TDP1: variants seen among roughly 807,000 people sequenced by gnomAD.
The protein encoded by TDP1 is tyr-DNA phosphodiesterase 1.
Under a neutral mutation model 81.5 loss-of-function variants are expected in TDP1, and 64 were observed. That is an observed-to-expected ratio of 0.79 (90% CI 0.64 to 0.97). TDP1 has a LOEUF of 0.97. TDP1 is among the 50% of genes least tolerant of loss of function. TDP1 has a pLI of 0.00. For missense variants in TDP1, 723 were observed against 743.8 expected (o/e 0.97, Z 0.33); for synonymous variants, 256 against 264.3 (o/e 0.97, Z 0.30).
At chr14:89,973,030 T>A (rs1893844199) in intron 6 of TDP1, among the ~76,000 whole-genome samples, 1 of 152,074 alleles carries the variant, frequency 6.6e-6, no homozygotes, top group African/African-American at 2.4e-5. Flanking sequence ...TGTATTTTTT[T>A]AAGATTAATA....
intron 12 of TDP1, among the ~76,000 whole-genome samples, chr14:89,990,819 G>A (rs1490582680): frequency 6.6e-6 from 1 of 152,026 alleles, no homozygotes; most frequent in Non-Finnish European, 1.5e-5. Flanking sequence ...ATCTCTTTGG[G>A]TGTAGATCAG....
intron 16 of TDP1, among the ~76,000 whole-genome samples, chr14:90,036,463 T>A (rs1446146005): frequency 2.0e-5 from 3 of 152,164 alleles, no homozygotes; most frequent in Admixed American, 2.0e-4. Context: ...GACAGAAGAC[T>A]ACAAAAAGCT....
At chr14:90,018,205 C>T (rs1885547543) in intron 14 of TDP1, among the ~76,000 whole-genome samples, 1 of 152,092 alleles carries the variant, frequency 6.6e-6, no homozygotes, top group South Asian at 2.1e-4. Context: ...TAGTCACAGT[C>T]ATCCACAAAG....
At position 89,956,814 on chromosome 14, in the gene TDP1, T is replaced by C. The variant is rs917811203; in HGVS notation, c.-8+14T>C. 2 of 151,632 alleles carry C rather than the reference T, an allele frequency of 1.3e-5. No individual in the cohort carries two copies. Among genetic ancestry groups the C allele is most frequent in the African/African-American group, 2.4e-5 (1 of 40,976 alleles). 9.4% of individuals were successfully genotyped at this position (151,632 alleles called of 1,614,324 possible). A position where few individuals can be genotyped will look rare whatever the true frequency, so the allele number is the denominator to read the frequency against. On this transcript the variant is annotated intron_variant, in intron 2 of 16. Transcript: ENST00000335725. ...CGGGAGGCTAAGGTAGGAGAATTGC[T>C]TGAACCTGGGAGGCAGAGAGGTTGG... is the stretch of plus-strand genomic sequence containing the variant.
intron 15 of TDP1, among the ~76,000 whole-genome samples, chr14:90,021,880 C>T (rs1275346956): frequency 2.0e-5 from 3 of 151,810 alleles, no homozygotes; most frequent in African/African-American, 7.3e-5. Context: ...TTTGTTAGCA[C>T]ATCTCAAAAA....
chr14:89,989,672 C>T (rs1043974878), intron 11 of TDP1, 45 bp from the exon 12 acceptor site: 1 of 1,459,406 alleles, frequency 6.9e-7, no homozygotes, highest in Non-Finnish European at 9.6e-7. Flanking sequence ...TCCTTTTCTT[C>T]AACATGGTAC....
intron 8 of TDP1, among the ~76,000 whole-genome samples, chr14:89,983,650 G>A (rs1895244740): frequency 6.6e-6 from 1 of 152,202 alleles, no homozygotes; most frequent in Non-Finnish European, 1.5e-5. Context: ...AGCCCAGTGA[G>A]GCAGCCTTGT....
At chr14:89,984,464 C>A in intron 8 of TDP1, 52 bp from the exon 9 acceptor site, 2 of 1,609,088 alleles carry the variant, frequency 1.2e-6, no homozygotes, top group Non-Finnish European at 1.7e-6. Flanking sequence ...ATACAGAGAT[C>A]ATTATGATCA....
intron 3 of TDP1, 188 bp from the exon 4 acceptor site, chr14:89,965,959 T>G: frequency 6.4e-6 from 5 of 786,244 alleles, no homozygotes; most frequent in Non-Finnish European, 7.7e-6. Context: ...ATGATAAATA[T>G]TAAATACCAT....
chr14:89,966,200 C>G lies in TDP1; in HGVS notation c.603+10C>G, dbSNP rs371949496. The G allele has an allele frequency of 1.3e-6, 2 of 1,583,102 alleles. No homozygotes were observed. Among genetic ancestry groups the G allele is most frequent in the African/African-American group, 2.7e-5 (2 of 74,272 alleles). ...TGTTTCTTCAGCTCAGGTGAGTATA[C>G]CTTTAAGCTGTTTTTTCTTTGGGTG... On this transcript the variant is annotated intron_variant, in intron 4 of 16. Coordinates refer to ENST00000335725, the MANE Select transcript of TDP1 (RefSeq NM_018319.4).
At chr14:89,970,131 C>T (rs939525985) in intron 5 of TDP1, among the ~76,000 whole-genome samples, 4 of 152,122 alleles carry the variant, frequency 2.6e-5, no homozygotes, top group African/African-American at 9.7e-5. Flanking sequence ...CCGCCTCGGC[C>T]TCCCAAAGTG....
At chr14:90,019,071 A>T (rs1885655233) in intron 14 of TDP1, 4 of 984,880 alleles carry the variant, frequency 4.1e-6, no homozygotes, top group Non-Finnish European at 4.8e-6. Context: ...TTATTTTAAT[A>T]GCTGCCCTCA....
In TDP1 at chr14:89,991,227, G is replaced by C. The variant is rs574472428; in HGVS notation, c.1367-690G>C. Among the ~76,000 whole-genome samples, 22 of 152,256 alleles carry C rather than the reference G, an allele frequency of 1.4e-4. No homozygotes were observed. In the South Asian group the frequency reaches 4.1e-3, roughly 29 times the overall value. ...GATGGGCCAGGATTCTAACACTTCA[G>C]ATCTGTGCAGGTATAGATGTTAAAT... is the stretch of plus-strand genomic sequence containing the variant. On this transcript the variant is annotated intron_variant, in intron 12 of 16. Transcript: ENST00000335725.
At chr14:90,007,323 C>T (rs1179043160) in intron 14 of TDP1, among the ~76,000 whole-genome samples, 1 of 151,942 alleles carries the variant, frequency 6.6e-6, no homozygotes, top group African/African-American at 2.4e-5. Flanking sequence ...CTCACACTGC[C>T]CATACCTGTA....
chr14:89,998,464 A>C (rs1896915028), intron 14 of TDP1, among the ~76,000 whole-genome samples: 1 of 142,190 alleles, frequency 7.0e-6, no homozygotes, highest in African/African-American at 2.7e-5. Context: ...ATATATATGT[A>C]TATATTAATT....
At chr14:90,035,305 A>T (rs997333407) in intron 16 of TDP1, among the ~76,000 whole-genome samples, 2 of 152,214 alleles carry the variant, frequency 1.3e-5, no homozygotes, top group African/African-American at 4.8e-5. Flanking sequence ...TTCAGGAGGC[A>T]TTCTTTTTCT....
intron 14 of TDP1, 163 bp from the exon 15 acceptor site, chr14:90,019,153 G>A (rs769848235): frequency 7.7e-6 from 7 of 912,518 alleles, no homozygotes; most frequent in Non-Finnish European, 9.2e-6. Flanking sequence ...GAGAACAGCA[G>A]ATTTTAAATT....
At chr14:89,970,802 C>A in intron 5 of TDP1, 1 of 942,112 alleles carries the variant, frequency 1.1e-6, no homozygotes, top group Non-Finnish European at 1.3e-6. Context: ...TGAGGCGAGT[C>A]CAGCTTCATG....
rs1566842071 is a variant in TDP1, at chr14:89,963,122, A to T, written c.8A>T (p.Gln3Leu). Residue 3 changes from glutamine (Q) to leucine (L), a missense_variant, in exon 3 of 17, where the codon CAG becomes CTG. Coordinates refer to ENST00000335725, the MANE Select transcript of TDP1 (RefSeq NM_018319.4). ...TTCATTTCCAGGAGTATAATGTCTCAGGAAGGCGATTATGGGAGGTGGACC... is the reference window on the plus strand; with the variant it reads ...TTCATTTCCAGGAGTATAATGTCTCTGGAAGGCGATTATGGGAGGTGGACC... MS[Q>L]EGDYGRWTIS... 4 of 1,614,112 alleles carry T rather than the reference A, an allele frequency of 2.5e-6. No homozygotes were observed. The highest frequency in any genetic ancestry group is 3.4e-6 in the Non-Finnish European group (4 of 1,180,000).
Sources: allele counts gnomAD v4.1 joint callset (sites outside exome capture counted in the v4.1 genomes callset), GRCh38; gene constraint gnomAD v4.1.1; transcripts MANE v1.5; gene names NCBI Gene and HGNC (gene_info 2026-07-23, HGNC 2026-07-21).